NFIB: variants seen among roughly 807,000 people sequenced by gnomAD.
The protein encoded by NFIB is nuclear factor I B, also known as nuclear factor 1 B-type.
NFIB carries 11 observed loss-of-function variants against 61.5 expected under a neutral mutation model. The observed-to-expected ratio is 0.18, with a 90% confidence interval of 0.11 to 0.30. The LOEUF is 0.30. Ranked by LOEUF, NFIB falls within the 10% of genes least tolerant of loss-of-function variation. The pLI is 1.00. For missense variants in NFIB, 471 were observed against 608.9 expected (o/e 0.77, Z 2.38); for synonymous variants, 260 against 216.5 (o/e 1.20, Z -1.76).
At chr9:14,449,803 G>A in the NFIB span, among the ~76,000 whole-genome samples, 7 of 151,978 alleles carry the variant, frequency 4.6e-5, no homozygotes, top group East Asian at 1.4e-3. Context: ...ACATGGTGGT[G>A]CATGCCTGCA....
intron 2 of NFIB, among the ~76,000 whole-genome samples, chr9:14,258,494 T>G (rs1311523475): frequency 6.6e-6 from 1 of 152,248 alleles, no homozygotes; most frequent in African/African-American, 2.4e-5. Flanking sequence ...TAAACTTTTT[T>G]GAACAAAGAC....
At chr9:14,232,283 T>C in intron 2 of NFIB, among the ~76,000 whole-genome samples, 1 of 152,138 alleles carries the variant, frequency 6.6e-6, no homozygotes. Context: ...TGGACAATAA[T>C]GAGACCCCGT....
the NFIB span, among the ~76,000 whole-genome samples, chr9:14,491,296 T>TA: frequency 0.023 from 3,464 of 152,028 alleles, 64 homozygotes; most frequent in African/African-American, 0.051. Context: ...TTGACATATC[T>TA]AAAAAAAATC....
chr9:14,171,429 C>T (rs1296808472), intron 3 of NFIB, among the ~76,000 whole-genome samples: 1 of 152,190 alleles, frequency 6.6e-6, no homozygotes, highest in Admixed American at 6.5e-5. Context: ...AACTTGTGTG[C>T]ACACATCTCT....
intron 1 of NFIB, among the ~76,000 whole-genome samples, chr9:14,312,776 T>G (rs1014939121): frequency 6.6e-6 from 1 of 152,200 alleles, no homozygotes; most frequent in African/African-American, 2.4e-5. Flanking sequence ...TATCGTCAAA[T>G]GAACAGGTTT....
chr9:14,467,496 G>A, the NFIB span, among the ~76,000 whole-genome samples: 1 of 152,200 alleles, frequency 6.6e-6, no homozygotes, highest in Admixed American at 6.5e-5. Context: ...TGTGACTGCT[G>A]GTCTCATTAA....
intron 1 of NFIB, among the ~76,000 whole-genome samples, chr9:14,322,555 TTCTC>T (rs1218915344): frequency 6.6e-6 from 1 of 151,958 alleles, no homozygotes. Context: ...CTCCCTGGCT[TTCTC>T]TTTCTCCGGC....
intron 1 of NFIB, among the ~76,000 whole-genome samples, chr9:14,360,190 G>C (rs1004385180): frequency 6.6e-6 from 1 of 152,178 alleles, no homozygotes; most frequent in South Asian, 2.1e-4. Context: ...ATGTTCATTT[G>C]TGCTACAAAC....
chr9:14,456,499 C>A, the NFIB span, among the ~76,000 whole-genome samples: 2 of 151,960 alleles, frequency 1.3e-5, no homozygotes, highest in African/African-American at 4.8e-5. Context: ...GCACAAAAAG[C>A]CAATAATGCA....
intron 2 of NFIB, among the ~76,000 whole-genome samples, chr9:14,232,776 T>G (rs547633829): frequency 6.6e-6 from 1 of 152,374 alleles, no homozygotes; most frequent in African/African-American, 2.4e-5. Context: ...TAGCAAGTTC[T>G]TATAATGAGT....
At chr9:14,127,145 C>G (rs1386946075) in intron 6 of NFIB, among the ~76,000 whole-genome samples, 1 of 152,094 alleles carries the variant, frequency 6.6e-6, no homozygotes, top group Non-Finnish European at 1.5e-5. Flanking sequence ...TAACAGGGTT[C>G]ACCCAATTAA....
intron 1 of NFIB, among the ~76,000 whole-genome samples, chr9:14,341,916 G>A (rs1160659174): frequency 1.4e-5 from 2 of 142,926 alleles, no homozygotes; most frequent in African/African-American, 5.3e-5. Context: ...ACATTGCTTA[G>A]CTAGAGAGTG....
chr9:14,285,591 G>A (rs990466968), intron 2 of NFIB, among the ~76,000 whole-genome samples: 1 of 152,164 alleles, frequency 6.6e-6, no homozygotes, highest in Non-Finnish European at 1.5e-5. Flanking sequence ...ATAACTGCAT[G>A]GATCAAAATT....
chr9:14,125,200 T>C lies in NFIB; in HGVS notation c.1060+432A>G, dbSNP rs193132670. Reference sequence around the variant, plus strand: ...TGAGATGGAGTCTCACTCTGTCGCCTAGGCTGGAGTGCAGTGGCACGATCT... The same window carrying C: ...TGAGATGGAGTCTCACTCTGTCGCCCAGGCTGGAGTGCAGTGGCACGATCT... On this transcript the variant is annotated intron_variant, in intron 7 of 10. Coordinates refer to ENST00000380953, the MANE Select transcript of NFIB (RefSeq NM_001190737.2). Among the ~76,000 whole-genome samples, 37 of 152,310 alleles carry C rather than the reference T, an allele frequency of 2.4e-4. No individual in the cohort carries two copies. In the East Asian group the frequency reaches 7.0e-3, roughly 29 times the overall value.
chr9:14,108,713 A>G (rs2036918469), intron 10 of NFIB, among the ~76,000 whole-genome samples: 1 of 152,064 alleles, frequency 6.6e-6, no homozygotes, highest in Non-Finnish European at 1.5e-5. Flanking sequence ...TAATATATAT[A>G]TAGTCAGGAG....
At chr9:14,418,098 A>G in the NFIB span, among the ~76,000 whole-genome samples, 1 of 152,082 alleles carries the variant, frequency 6.6e-6, no homozygotes, top group South Asian at 2.1e-4. Flanking sequence ...GTTTTTTTAA[A>G]CAAGCACCCC....
chr9:14,406,520 T>C, the NFIB span, among the ~76,000 whole-genome samples: 4 of 152,132 alleles, frequency 2.6e-5, no homozygotes, highest in African/African-American at 7.2e-5. Flanking sequence ...TTCTCTTTCT[T>C]GGGGAGTGTG....
intron 1 of NFIB, among the ~76,000 whole-genome samples, chr9:14,395,280 A>C (rs10961500): frequency 0.5 from 74,345 of 148,948 alleles, 19,295 homozygotes; most frequent in Non-Finnish European, 0.57. Flanking sequence ...TAGTCTAGTC[A>C]GATATTCATT....
At chr9:14,452,087 T>A in the NFIB span, among the ~76,000 whole-genome samples, 1 of 152,294 alleles carries the variant, frequency 6.6e-6, no homozygotes, top group South Asian at 2.1e-4. Context: ...GATCTGACTT[T>A]TTCTCCAGCA....
Sources: allele counts gnomAD v4.1 joint callset (sites outside exome capture counted in the v4.1 genomes callset), GRCh38; gene constraint gnomAD v4.1.1; transcripts MANE v1.5; gene names NCBI Gene and HGNC (gene_info 2026-07-23, HGNC 2026-07-21).